Variants in KMT2D observed in about 807,000 individuals in gnomAD.
KMT2D encodes the protein histone-lysine N-methyltransferase 2D.
In KMT2D, 55 loss-of-function variants were observed where a neutral mutation model predicts 512.7. That is an observed-to-expected ratio of 0.11 (90% CI 0.09 to 0.13). The LOEUF (loss-of-function observed/expected upper bound fraction) is 0.13. Ranked by LOEUF, KMT2D falls within the 10% of genes least tolerant of loss-of-function variation. The pLI is 1.00. For missense variants in KMT2D, 6,061 were observed against 7,127.9 expected (o/e 0.85, Z 5.39); for synonymous variants, 2,995 against 2,904.0 (o/e 1.03, Z -1.01).
chr12:49,028,703 C>T, intron 46 of KMT2D, 125 bp downstream of exon 46: 5 of 1,278,868 alleles, frequency 3.9e-6, no homozygotes, highest in Non-Finnish European at 5.4e-6. Flanking sequence ...CTAGCCCAGG[C>T]TTTCACATAC....
rs1337098173 is a variant in KMT2D at position 49,033,845 on chromosome 12, G to A, written c.10860C>T (p.Ser3620=). The A allele has an allele frequency of 6.4e-7, 1 of 1,566,034 alleles. No individual in the cohort carries two copies. Among genetic ancestry groups the A allele is most frequent in the Admixed American group, 1.9e-5 (1 of 52,432 alleles). ...QQQHSAVLAL[S]PSQSPRLLTK... ...TGAGCAGCCGGGGACTCTGGGAAGG[G>A]CTGAGAGCCAGCACAGCTGAGTGCT... The change falls in exon 40 of 55, where the codon AGC becomes AGT. Residue 3620 remains serine, a synonymous_variant. Transcript: ENST00000301067.
At chr12:49,056,749 G>A (rs1938433512) in intron 1 of KMT2D, among the ~76,000 whole-genome samples, 1 of 152,186 alleles carries the variant, frequency 6.6e-6, no homozygotes, top group African/African-American at 2.4e-5. Context: ...CAAACTGGAA[G>A]GCAAATACCC....
In KMT2D at chr12:49,051,012, A is replaced by C. The variant is rs886049485; in HGVS notation, c.2671T>G (p.Leu891Val). 2 of 1,568,804 alleles carry C rather than the reference A, an allele frequency of 1.3e-6. No individual in the cohort carries two copies. The highest frequency in any genetic ancestry group is 4.5e-5 in the East Asian group (2 of 44,516). Residue 891 changes from leucine to valine, a missense_variant, in exon 11 of 55, where the codon TTA becomes GTA. Coordinates refer to ENST00000301067, the MANE Select transcript of KMT2D (RefSeq NM_003482.4). Reference sequence around the variant, plus strand: ...GCTGGCTCTCCAAGCAAGGGAGATAAGGATGGTTCCCCAGGGGGAGGGAAC... The same window carrying C: ...GCTGGCTCTCCAAGCAAGGGAGATACGGATGGTTCCCCAGGGGGAGGGAAC... ...PLFPPPGEPSLSPLLGEPALS... is the reference protein window; with the variant it reads ...PLFPPPGEPSVSPLLGEPALS...
Position 49,033,375 on chromosome 12 carries a change from A to G in KMT2D, c.11330T>C (p.Met3777Thr). The G allele has an allele frequency of 2.5e-6, 4 of 1,578,990 alleles. No individual in the cohort carries two copies. The highest frequency in any genetic ancestry group is 2.7e-5 in the African/African-American group (2 of 74,204). The part of the protein sequence containing the change: ...QALGPKPQGL[M>T]PPSSHQGLLV... ...GAGGCCTTGGTGGCTGCTGGGAGGC[A>G]TAAGGCCCTGGGGCTTGGGACCCAG... is the stretch of plus-strand genomic sequence containing the variant. The change falls in exon 40 of 55, where the codon ATG becomes ACG. Residue 3777 changes from methionine to threonine, a missense_variant. Physicochemically the swap from Met to Thr is moderately conservative, Grantham distance 81 (BLOSUM62 -1). Transcript: ENST00000301067.
At chr12:49,048,895 A>G (rs1937728018) in intron 13 of KMT2D, 126 bp from the exon 14 acceptor site, 2 of 722,956 alleles carry the variant, frequency 2.8e-6, no homozygotes, top group South Asian at 3.4e-5. Context: ...AGCCAGGAAT[A>G]ACAGACAGAA....
rs1169070400 is a variant in KMT2D at position 49,042,783 on chromosome 12, G to T, written c.5740C>A (p.Leu1914Ile). The T allele has an allele frequency of 6.2e-7, 1 of 1,613,954 alleles. No homozygotes were observed. Among genetic ancestry groups the T allele is most frequent in the Non-Finnish European group, 8.5e-7 (1 of 1,179,846 alleles). Residue 1914 changes from leucine to isoleucine, a missense_variant, in exon 27 of 55, where the codon CTA becomes ATA. By Grantham distance (5) the Leu-to-Ile change is conservative. Around this residue, in one of 16 missense-constraint regions of KMT2D, gnomAD observed 640 missense variants for 814.3 expected, o/e 0.79. Transcript: ENST00000301067. This position sits in a 1 kb window ranked among gnomAD's most constrained non-coding sequence, Gnocchi z 4.4. ...TGCAGTGGCGTACGGCTGCCTTCTA[G>T]GCCAGGGGTTCCACAACCCAGATGC... ...EQHLGCGTPG[L>I]EGSRTPLQRP...
In KMT2D at chr12:49,060,061, C is replaced by T. The variant is rs1938649964; in HGVS notation, c.-486G>A. On this transcript the variant is annotated 5_prime_UTR_variant, in exon 1 of 55. Transcript: ENST00000301067. ...GCAGCCCGGAAGGAATGCCGCGCCG[C>T]CCCGCGCCTGGCCCGGATGGAACGT... Among the ~76,000 whole-genome samples, 2 of 151,556 alleles carry T rather than the reference C, an allele frequency of 1.3e-5. No homozygotes were observed. Among genetic ancestry groups the T allele is most frequent in the South Asian group, 4.1e-4 (2 of 4,824 alleles).
At position 49,024,051 on chromosome 12, in the gene KMT2D, A is replaced by T. The variant is rs1942451537; in HGVS notation, c.16052+527T>A. 4.4e-6 allele frequency: 2 copies of T among 455,094 alleles called. No homozygotes were observed. Among genetic ancestry groups the T allele is most frequent in the Non-Finnish European group, 8.8e-6 (2 of 226,702 alleles). The allele number at this position is 455,094 out of a possible 1,614,324, so 28.2% of individuals were successfully genotyped here. Reference sequence around the variant, plus strand: ...GGGGGTCATACCACCTGCCCTACCTACCTCATAAGGTTGTTGTGAGGATCA... The same window carrying T: ...GGGGGTCATACCACCTGCCCTACCTTCCTCATAAGGTTGTTGTGAGGATCA... On this transcript the variant is annotated intron_variant, in intron 51 of 54. Transcript: ENST00000301067. The surrounding 1 kb of genome is among the most constrained non-coding windows in gnomAD (Gnocchi z 4.5).
At position 49,046,871 on chromosome 12, in the gene KMT2D, G is replaced by T; in HGVS notation, c.4237-81C>A. 7.5e-7 allele frequency: 1 copy of T among 1,341,784 alleles called. No homozygotes were observed. Among genetic ancestry groups the T allele is most frequent in the Non-Finnish European group, 1.0e-6 (1 of 983,588 alleles). The allele number at this position is 1,341,784 out of a possible 1,614,324, so 83.1% of individuals were successfully genotyped here. On this transcript the variant is annotated intron_variant, in intron 15 of 54. Coordinates refer to ENST00000301067, the MANE Select transcript of KMT2D (RefSeq NM_003482.4). This position sits in a 1 kb window ranked among gnomAD's most constrained non-coding sequence, Gnocchi z 4.2. ...CTTTTTATTTTTTTTTGGAGATGGA[G>T]TTTTGCTCTTGTTCCCCAGGCTGGA...
chr12:49,045,887 C>G (rs2120595696), intron 19 of KMT2D, 33 bp downstream of exon 19: 2 of 1,551,368 alleles, frequency 1.3e-6, no homozygotes, highest in Non-Finnish European at 1.8e-6. Context: ...GACGTCTGGT[C>G]TGGCTTTGGC....
At position 49,051,871 on chromosome 12, in the gene KMT2D, T is replaced by C. The variant is rs1318230995; in HGVS notation, c.1812A>G (p.Glu604=). The C allele has an allele frequency of 3.1e-6, 5 of 1,599,712 alleles. No individual in the cohort carries two copies. The Admixed American group carries it at 8.5e-5, about 27-fold the overall frequency. ...PEASRLFPPF[E]ESPLSPPPEE... is the part of the protein sequence containing the mutation. Reference sequence around the variant, plus strand: ...CAGGTGGAGGGGACAGAGGAGACTCTTCAAATGGTGGGAACAGACGAGATG... The same window carrying C: ...CAGGTGGAGGGGACAGAGGAGACTCCTCAAATGGTGGGAACAGACGAGATG... The change falls in exon 11 of 55, where the codon GAA becomes GAG. Residue 604 remains glutamate (E), a synonymous_variant. Transcript: ENST00000301067.
rs2120574249 is a variant in KMT2D at position 49,043,858 on chromosome 12, T to A, written c.5319+10A>T. The stretch of plus-strand genomic sequence containing the variant: ...GACACCTCCCTCACTGCTTGGAGCC[T>A]GAGACCCACCTGCAAGTAAGCAGGG... On this transcript the variant is annotated intron_variant, in intron 23 of 54. Coordinates refer to ENST00000301067, the MANE Select transcript of KMT2D (RefSeq NM_003482.4). The A allele has an allele frequency of 6.2e-7, 1 of 1,613,842 alleles. No homozygotes were observed. Among genetic ancestry groups the A allele is most frequent in the South Asian group, 1.1e-5 (1 of 91,080 alleles).
At chr12:49,055,128 G>A in intron 2 of KMT2D, 102 bp from the exon 3 acceptor site, 2 of 1,561,776 alleles carry the variant, frequency 1.3e-6, no homozygotes, top group South Asian at 2.3e-5. Flanking sequence ...GTGGATCAGA[G>A]TGATGATATT....
chr12:49,057,013 C>T (rs1938448456), intron 1 of KMT2D, among the ~76,000 whole-genome samples: 2 of 152,184 alleles, frequency 1.3e-5, no homozygotes, highest in South Asian at 4.1e-4. Context: ...ATCTCCATTC[C>T]CAAGCCATCT....
intron 38 of KMT2D, 23 bp from the exon 39 acceptor site, chr12:49,034,322 AG>A: frequency 2.5e-6 from 4 of 1,610,978 alleles, no homozygotes; most frequent in Non-Finnish European, 3.4e-6. Flanking sequence ...GCTGGGTGTC[AG>A]GACCTGCAAA....
chr12:49,041,590 G>A lies in KMT2D; in HGVS notation c.6235-55C>T. The stretch of plus-strand genomic sequence containing the variant: ...CAGGCTGCTGCAGGCAGGCCCCATG[G>A]CCCTCCACCCTCAAGAGAGGCCACC... On this transcript the variant is annotated intron_variant, in intron 31 of 54. Transcript: ENST00000301067. The surrounding 1 kb of genome is among the most constrained non-coding windows in gnomAD (Gnocchi z 5.4). The A allele has an allele frequency of 1.9e-6, 3 of 1,612,660 alleles. No homozygotes were observed. The highest frequency in any genetic ancestry group is 2.5e-6 in the Non-Finnish European group (3 of 1,179,216).
In KMT2D at chr12:49,034,967, A is replaced by G. The variant is rs757529358; in HGVS notation, c.10232-32T>C. ...AGGGGAGAACCAAGTGAGCTGGGCT[A>G]TGGGGCCAATGCTCCAGTGAATATC... On this transcript the variant is annotated intron_variant, in intron 35 of 54. Transcript: ENST00000301067. The G allele has an allele frequency of 8.7e-6, 14 of 1,612,316 alleles. No homozygotes were observed. The East Asian group carries it at 3.1e-4, about 36-fold the overall frequency.
Position 49,040,480 on chromosome 12 carries a change from C to CA in KMT2D, c.7289dup (p.Ser2431ValfsTer3). On this transcript the variant is annotated frameshift_variant, in exon 32 of 55. Transcript: ENST00000301067. LOFTEE classifies it high-confidence loss of function. ...GTGATGGGCAAAAAGCTTCAGCAGACAGAGGCCGGGGTGTCAGTGGAGACT... is the reference window on the plus strand; with the variant it reads ...GTGATGGGCAAAAAGCTTCAGCAGACAAGAGGCCGGGGTGTCAGTGGAGACT... 1 of 1,569,516 alleles carries CA rather than the reference C, an allele frequency of 6.4e-7. No individual in the cohort carries two copies. The highest frequency in any genetic ancestry group is 8.6e-7 in the Non-Finnish European group (1 of 1,156,240).
At chr12:49,055,230 G>A (rs2120717581) in intron 2 of KMT2D, 46 bp downstream of exon 2, 1 of 1,604,420 alleles carries the variant, frequency 6.2e-7, no homozygotes, top group Non-Finnish European at 8.5e-7. Flanking sequence ...GAAATGTAAG[G>A]TTGCCAATGA....
Sources: allele counts gnomAD v4.1 joint callset (sites outside exome capture counted in the v4.1 genomes callset), GRCh38; gene constraint gnomAD v4.1.1; regional missense constraint gnomAD v4.1.1; non-coding constraint Gnocchi (gnomAD v3.1); transcripts MANE v1.5; gene names NCBI Gene and HGNC (gene_info 2026-07-23, HGNC 2026-07-21).